The following RP1 variants were observed in gnomAD, a reference collection of about 807,000 sequenced individuals.
RP1 encodes the protein RP1 axonemal microtubule associated, also known as oxygen-regulated protein 1.
RP1 carries 16 observed loss-of-function variants against 14.8 expected under a neutral mutation model. That is an observed-to-expected ratio of 1.08 (90% CI 0.73 to 1.65). RP1 has a LOEUF of 1.65. Ranked by LOEUF, RP1 falls within the 40% of genes most tolerant of loss-of-function variation. The pLI is 0.00. For synonymous variants in RP1, 876 were observed against 883.6 expected (o/e 0.99, Z 0.15); for missense variants, 2,631 against 2,535.0 (o/e 1.04, Z -0.81).
intron 1 of RP1, among the ~76,000 whole-genome samples, chr8:54,570,332 C>CTTT (rs35579675): frequency 2.8e-5 from 4 of 144,024 alleles, no homozygotes; most frequent in Admixed American, 1.4e-4. Context: ...CTTTTATGTA[C>CTTT]TTTTTTTTTT....
intron 6 of RP1, among the ~76,000 whole-genome samples, chr8:54,660,957 C>G (rs2129328859): frequency 6.6e-6 from 1 of 151,894 alleles, no homozygotes; most frequent in Middle Eastern, 3.4e-3. Context: ...CTTGTTTTCT[C>G]TCTCCAACTT....
intron 6 of RP1, among the ~76,000 whole-genome samples, chr8:54,659,581 A>T (rs1806838255): frequency 6.6e-6 from 1 of 152,102 alleles, no homozygotes; most frequent in South Asian, 2.1e-4. Context: ...CTATTCTATT[A>T]GTCTGTCTAT....
At chr8:54,596,782 T>C (rs1386051658) in intron 1 of RP1, among the ~76,000 whole-genome samples, 2 of 152,256 alleles carry the variant, frequency 1.3e-5, no homozygotes, top group Non-Finnish European at 2.9e-5. Flanking sequence ...ATTATTCATT[T>C]AAAGGATTAA....
chr8:54,600,525 C>T (rs551925379), intron 1 of RP1, among the ~76,000 whole-genome samples: 19 of 151,958 alleles, frequency 1.3e-4, no homozygotes, highest in South Asian at 2.1e-4. Context: ...TCTTCTGATA[C>T]GAATAAGAGG....
chr8:54,666,094 TG>T (rs139466388), intron 7 of RP1, among the ~76,000 whole-genome samples: 1 of 152,184 alleles, frequency 6.6e-6, no homozygotes, highest in Non-Finnish European at 1.5e-5. Context: ...CTGTAAAATA[TG>T]GGACATTCGA....
chr8:54,804,067 C>CA (rs555030749), intron 24 of RP1, among the ~76,000 whole-genome samples: 8 of 142,422 alleles, frequency 5.6e-5, no homozygotes, highest in Non-Finnish European at 7.7e-5. Context: ...GACTCTATCT[C>CA]AAAAAAAATA....
At chr8:54,798,178 T>C (rs760189266) in intron 24 of RP1, among the ~76,000 whole-genome samples, 6 of 152,066 alleles carry the variant, frequency 3.9e-5, no homozygotes, top group Non-Finnish European at 8.8e-5. Context: ...CACGCCCGGC[T>C]AAGTTTTTTG....
exon 6 of RP1, chr8:54,656,168 T>C: frequency 6.5e-7 from 1 of 1,535,664 alleles, no homozygotes; most frequent in Non-Finnish European, 8.7e-7. Context: ...GATGGGGAAA[T>C]CTGTCGAGAA....
intron 24 of RP1, among the ~76,000 whole-genome samples, chr8:54,816,003 A>G (rs1389218474): frequency 1.3e-5 from 2 of 152,188 alleles, no homozygotes; most frequent in Non-Finnish European, 2.9e-5. Context: ...TGAGCCTTAC[A>G]GATCTCTTAC....
intron 24 of RP1, among the ~76,000 whole-genome samples, chr8:54,784,155 T>C (rs912316554): frequency 1.3e-5 from 2 of 152,196 alleles, no homozygotes; most frequent in African/African-American, 4.8e-5. Context: ...AACGGTCAAA[T>C]GGTCAAGATT....
intron 25 of RP1, chr8:54,837,790 G>C (rs561694071): frequency 2.6e-5 from 13 of 499,628 alleles, no homozygotes; most frequent in Non-Finnish European, 3.8e-5. Context: ...ACACTTCGTG[G>C]GCTATAAAGT....
chr8:54,611,278 A>G (rs1193973396), upstream of RP1, among the ~76,000 whole-genome samples: 2 of 152,116 alleles, frequency 1.3e-5, no homozygotes, highest in African/African-American at 2.4e-5. Context: ...TTCTTCAAAT[A>G]TCTCTGCCCT....
chr8:54,700,952 C>G (rs1364369536), intron 13 of RP1, among the ~76,000 whole-genome samples: 1 of 152,170 alleles, frequency 6.6e-6, no homozygotes, highest in African/African-American at 2.4e-5. Flanking sequence ...TTGGATCTAG[C>G]CATTCAAGAG....
rs1806169353 is a variant in RP1 at position 54,629,035 on chromosome 8, T to C, written c.5153T>C (p.Ile1718Thr). 6 of 1,614,082 alleles carry C rather than the reference T, an allele frequency of 3.7e-6. No homozygotes were observed. The highest frequency in any genetic ancestry group is 5.1e-6 in the Non-Finnish European group (6 of 1,179,964). Residue 1718 changes from isoleucine (I) to threonine (T), a missense_variant, in exon 4 of 4, where the codon ATT becomes ACT. Transcript: ENST00000220676. ...AGGGACAATTATTGTAGGGGTGACA[T>C]TGTAGAACCTGGTACAAAACAAAAT... is the stretch of plus-strand genomic sequence containing the variant. ...AVRDNYCRGD[I>T]VEPGTKQNDD...
At chr8:54,659,759 T>C (rs1806843456) in intron 6 of RP1, among the ~76,000 whole-genome samples, 1 of 152,196 alleles carries the variant, frequency 6.6e-6, no homozygotes. Flanking sequence ...CTGTAAAAAT[T>C]GCTGTTGAGA....
At chr8:54,745,166 T>G (rs1345511504) in intron 19 of RP1, among the ~76,000 whole-genome samples, 1 of 152,198 alleles carries the variant, frequency 6.6e-6, no homozygotes, top group Admixed American at 6.5e-5. Context: ...AACCTGACTA[T>G]AAACCAGATT....
chr8:54,846,926 A>T lies in RP1; in HGVS notation c.3836-5648A>T, dbSNP rs370002250. On this transcript the variant is annotated intron_variant, in intron 25 of 28. Transcript: ENST00000637698. ...TTTCTGTGCCACCCTAGCTAGAAAA[A>T]TGTGTCCCTTTGGGACTGTCACACT... Among the ~76,000 whole-genome samples, 8 of 152,294 alleles carry T rather than the reference A, an allele frequency of 5.3e-5. 1 individual carries two copies. Among genetic ancestry groups the T allele is most frequent in the Admixed American group, 2.0e-4 (3 of 15,302 alleles).
chr8:54,716,651 C>T (rs1023612050), intron 15 of RP1, among the ~76,000 whole-genome samples: 11 of 152,234 alleles, frequency 7.2e-5, no homozygotes, highest in Admixed American at 3.9e-4. Context: ...CAAATCCAGC[C>T]CTCTCCCAGA....
exon 29 of RP1, chr8:54,869,888 G>C (rs1812547710): frequency 1.6e-6 from 2 of 1,231,864 alleles, no homozygotes; most frequent in African/African-American, 3.1e-5. Flanking sequence ...AGCGGGAATT[G>C]CTCGCAGAAA....
Sources: allele counts gnomAD v4.1 joint callset (sites outside exome capture counted in the v4.1 genomes callset), GRCh38; gene constraint gnomAD v4.1.1; transcripts MANE v1.5; gene names NCBI Gene and HGNC (gene_info 2026-07-23, HGNC 2026-07-21).